Variants in COLEC10 observed in about 807,000 individuals in gnomAD.
The protein encoded by COLEC10 is collectin subfamily member 10, also known as collectin-10.
Under a neutral mutation model 28.4 loss-of-function variants are expected in COLEC10, and 22 were observed. The ratio of observed to expected loss-of-function variants is 0.78; its 90% confidence interval spans 0.55 to 1.11. The LOEUF is 1.11. Among genes scored for constraint, COLEC10 ranks in the 50% least tolerant of loss-of-function variants. The pLI, the probability that COLEC10 is intolerant of heterozygous loss-of-function variation, is 0.00. For synonymous variants in COLEC10, 125 were observed against 116.1 expected, an observed-to-expected ratio of 1.08 and a Z score of -0.49; for missense variants, 361 against 344.1, an observed-to-expected ratio of 1.05 and a Z score of -0.39.
chr8:119,073,785 T>C (rs1480429708), intron 1 of COLEC10, among the ~76,000 whole-genome samples: 1 of 151,954 alleles, frequency 6.6e-6, no homozygotes, highest in African/African-American at 2.4e-5. Context: ...ATAAGCCATG[T>C]CTCTCTCCAA....
chr8:119,073,167 C>T (rs1330437360), intron 1 of COLEC10, among the ~76,000 whole-genome samples: 2 of 152,162 alleles, frequency 1.3e-5, no homozygotes, highest in African/African-American at 4.8e-5. Flanking sequence ...ATAACTTGTT[C>T]TAGGTCATGC....
At chr8:118,972,771 A>AG in the COLEC10 span, among the ~76,000 whole-genome samples, 2 of 151,936 alleles carry the variant, frequency 1.3e-5, no homozygotes, top group Non-Finnish European at 2.9e-5. Context: ...CAGGTGTATT[A>AG]GTTCATTCTC....
intron 2 of COLEC10, among the ~76,000 whole-genome samples, chr8:119,056,806 T>C (rs1270913604): frequency 6.6e-6 from 1 of 152,046 alleles, no homozygotes. Context: ...ATTGCCCTTA[T>C]GATAGTTCCA....
At chr8:119,067,576 C>G in intron 1 of COLEC10, 147 bp downstream of exon 1, 1 of 716,054 alleles carries the variant, frequency 1.4e-6, no homozygotes, top group Middle Eastern at 3.7e-4. Context: ...TCAGGATTTT[C>G]CAGATCTGGT....
At chr8:119,104,390 G>A (rs895836203) in intron 5 of COLEC10, among the ~76,000 whole-genome samples, 2 of 152,194 alleles carry the variant, frequency 1.3e-5, no homozygotes, top group Non-Finnish European at 2.9e-5. Flanking sequence ...GACCTAATGA[G>A]CAGTAGAGCA....
At chr8:119,011,520 G>A (rs1376693560) in intron 2 of COLEC10, among the ~76,000 whole-genome samples, 1 of 150,392 alleles carries the variant, frequency 6.6e-6, no homozygotes, top group Non-Finnish European at 1.5e-5. Flanking sequence ...TTGCTGGGTG[G>A]GATTTGATTG....
chr8:119,102,605 C>G (rs1011876807), intron 4 of COLEC10: 2 of 486,410 alleles, frequency 4.1e-6, no homozygotes. Context: ...GATGATGACA[C>G]GTTTCATCCC....
chr8:118,986,890 G>A, the COLEC10 span, among the ~76,000 whole-genome samples: 1 of 152,152 alleles, frequency 6.6e-6, no homozygotes, highest in Non-Finnish European at 1.5e-5. Flanking sequence ...GGATGTGGAA[G>A]GAATGGGGAC....
In COLEC10 at chr8:119,003,865, G is replaced by A. The variant is rs145160978; in HGVS notation, n.123-5576G>A. 5.3e-5 allele frequency among the ~76,000 whole-genome samples: 8 copies of A among 152,130 alleles called. No homozygotes were observed. In the East Asian group the frequency reaches 5.8e-4, roughly 11 times the overall value. ...TTGACGCAAGTTGATAAGGTCCAGA[G>A]AAAACTAGTTTGGGGCCCCCAACTA... is the stretch of plus-strand genomic sequence containing the variant. On this transcript the variant is annotated intron_variant and non_coding_transcript_variant, in intron 1 of 6. Transcript: ENST00000521788.
intron 1 of COLEC10, among the ~76,000 whole-genome samples, chr8:119,007,437 G>A (rs1813824840): frequency 6.6e-6 from 1 of 151,446 alleles, no homozygotes; most frequent in African/African-American, 2.5e-5. Context: ...TCTTCTGTAA[G>A]GTTCTAGGAG....
intron 2 of COLEC10, among the ~76,000 whole-genome samples, chr8:119,042,319 T>C (rs1359689179): frequency 6.6e-6 from 1 of 152,170 alleles, no homozygotes; most frequent in African/African-American, 2.4e-5. Context: ...TAAATGTGTC[T>C]CTGGCATTTG....
chr8:119,100,533 C>A (rs1226511361), intron 3 of COLEC10, among the ~76,000 whole-genome samples: 1 of 152,138 alleles, frequency 6.6e-6, no homozygotes, highest in Non-Finnish European at 1.5e-5. Flanking sequence ...TATTACTGAG[C>A]AGGGTGCTCG....
Position 119,106,672 on chromosome 8 carries a change from C to G in COLEC10, c.*481C>G, listed in dbSNP as rs1064557. The G allele has an allele frequency of 0.17, 26,951 of 157,756 alleles. 4,864 individuals carry two copies. The highest frequency in any genetic ancestry group is 0.46 in the African/African-American group (19,271 of 41,492). 9.8% of individuals were successfully genotyped at this position (157,756 alleles called of 1,614,324 possible). On this transcript the variant is annotated 3_prime_UTR_variant, in exon 6 of 6. Transcript: ENST00000332843. ...ATCTTTGAATCCAAGATGCCCAGAT[C>G]TTTTACCAGTCACACCCTATGGCCA...
the COLEC10 span, among the ~76,000 whole-genome samples, chr8:118,985,422 G>A: frequency 6.6e-6 from 1 of 152,012 alleles, no homozygotes; most frequent in African/African-American, 2.4e-5. Context: ...AGTTTCTATT[G>A]TGCAGGAGTA....
intron 2 of COLEC10, among the ~76,000 whole-genome samples, chr8:119,037,429 A>G (rs1033134992): frequency 2.6e-5 from 4 of 151,984 alleles, no homozygotes; most frequent in Non-Finnish European, 4.4e-5. Context: ...TTTCCTGTCT[A>G]TGCCAGTGTC....
chr8:119,077,920 C>A (rs1284987712), intron 1 of COLEC10, among the ~76,000 whole-genome samples: 4 of 152,132 alleles, frequency 2.6e-5, no homozygotes, highest in Non-Finnish European at 4.4e-5. Flanking sequence ...TTTCTGCAGA[C>A]TGTACAAAAA....
chr8:119,004,374 T>C (rs1813750667), intron 1 of COLEC10, among the ~76,000 whole-genome samples: 1 of 151,730 alleles, frequency 6.6e-6, no homozygotes, highest in South Asian at 2.1e-4. Flanking sequence ...TCTCCTTTTT[T>C]CCTAAGTGGC....
At chr8:119,003,377 GT>G (rs1412380446) in intron 1 of COLEC10, among the ~76,000 whole-genome samples, 3 of 152,042 alleles carry the variant, frequency 2.0e-5, no homozygotes, top group Non-Finnish European at 2.9e-5. Flanking sequence ...GAAGTAGTTG[GT>G]TTGGCCCCCA....
At position 119,106,326 on chromosome 8, in the gene COLEC10, C is replaced by T; in HGVS notation, c.*135C>T. 1.2e-6 allele frequency: 1 copy of T among 817,440 alleles called. No homozygotes were observed. The highest frequency in any genetic ancestry group is 1.9e-6 in the Non-Finnish European group (1 of 524,330). 50.6% of individuals were successfully genotyped at this position (817,440 alleles called of 1,614,324 possible). On this transcript the variant is annotated 3_prime_UTR_variant, in exon 6 of 6. Transcript: ENST00000332843. Reference sequence around the variant, plus strand: ...GAAAATGCTAAACTGAGGTATGGAGCCTCCATCATCATGCTCTTTTGTGAT... The same window carrying T: ...GAAAATGCTAAACTGAGGTATGGAGTCTCCATCATCATGCTCTTTTGTGAT...
Sources: gnomAD v4.1 joint callset for allele counts (sites outside exome capture counted in the v4.1 genomes callset) on GRCh38, gnomAD v4.1.1 for gene constraint, MANE v1.5 for transcripts, NCBI Gene and HGNC (gene_info 2026-07-23, HGNC 2026-07-21) for gene names.